The following ANKRD44 variants were observed in gnomAD, a reference collection of about 807,000 sequenced individuals.
The protein encoded by ANKRD44 is serine/threonine-protein phosphatase 6 regulatory ankyrin repeat subunit B.
ANKRD44 carries 35 observed loss-of-function variants against 116.0 expected under a neutral mutation model. The ratio of observed to expected loss-of-function variants is 0.30; its 90% CI spans 0.23 to 0.40. The LOEUF (loss-of-function observed/expected upper bound fraction) is 0.40, where lower values mean the gene tolerates loss of function less well. Among genes scored for constraint, ANKRD44 ranks in the 10% least tolerant of loss-of-function variants. The pLI is 1.00. For missense variants in ANKRD44, 1,014 were observed against 1,242.6 expected, an observed-to-expected ratio of 0.82 and a Z score of 2.77; for synonymous variants, 435 against 461.8, an observed-to-expected ratio of 0.94 and a Z score of 0.74.
chr2:197,086,910 T>C (rs529907552), intron 12 of ANKRD44, among the ~76,000 whole-genome samples, 162 bp from the exon 13 acceptor site: 1 of 152,302 alleles, frequency 6.6e-6, no homozygotes, highest in South Asian at 2.1e-4. Flanking sequence ...TGACATATTG[T>C]AAGGATCTAA....
chr2:196,982,122 A>ATATATATATATATATATG (rs2075806175), downstream of ANKRD44, among the ~76,000 whole-genome samples: 9 of 144,620 alleles, frequency 6.2e-5, no homozygotes, highest in Non-Finnish European at 1.2e-4. Flanking sequence ...ATATATATAT[A>ATATATATATATATATATG]TATATATGCA....
chr2:197,116,484 G>T (rs971355830), intron 8 of ANKRD44, among the ~76,000 whole-genome samples: 1 of 152,126 alleles, frequency 6.6e-6, no homozygotes, highest in Admixed American at 6.5e-5. Flanking sequence ...TCAGCCTCAC[G>T]CAAAGATTCC....
At chr2:197,199,081 T>G (rs2081035072) in intron 1 of ANKRD44, 1 of 152,274 alleles carries the variant, frequency 6.6e-6, no homozygotes, top group South Asian at 2.1e-4. Flanking sequence ...TCAGCTGGCA[T>G]CCTACATCTG....
intron 1 of ANKRD44, among the ~76,000 whole-genome samples, chr2:197,191,647 T>C (rs1433611755): frequency 6.6e-6 from 1 of 152,188 alleles, no homozygotes; most frequent in Non-Finnish European, 1.5e-5. Context: ...GGGAGCAAGA[T>C]GGTAATTTGT....
At chr2:197,073,878 G>C (rs2077610491) in intron 16 of ANKRD44, among the ~76,000 whole-genome samples, 1 of 152,138 alleles carries the variant, frequency 6.6e-6, no homozygotes, top group African/African-American at 2.4e-5. Context: ...CTCAACTGAA[G>C]GCAAAACTGA....
intron 17 of ANKRD44, among the ~76,000 whole-genome samples, chr2:197,014,341 C>T (rs944156234): frequency 6.6e-6 from 1 of 152,200 alleles, no homozygotes; most frequent in Non-Finnish European, 1.5e-5. Context: ...ATAGGCTTTG[C>T]AAAATATCTT....
downstream of ANKRD44, among the ~76,000 whole-genome samples, chr2:196,986,308 G>A (rs771607317): frequency 2.8e-4 from 42 of 152,052 alleles, no homozygotes; most frequent in African/African-American, 8.2e-4. Flanking sequence ...CCAGCTACTC[G>A]GGAGGCTGAG....
intron 1 of ANKRD44, among the ~76,000 whole-genome samples, chr2:197,280,447 G>A (rs958094614): frequency 1.4e-5 from 2 of 147,114 alleles, no homozygotes; most frequent in East Asian, 2.0e-4. Flanking sequence ...ACAAGAAAAC[G>A]AGCAGAGTTT....
chr2:197,138,077 A>G (rs2079263224), intron 3 of ANKRD44, among the ~76,000 whole-genome samples: 3 of 152,180 alleles, frequency 2.0e-5, no homozygotes, highest in Admixed American at 2.0e-4. Context: ...AATGACCAAG[A>G]GCCACTAATC....
intron 1 of ANKRD44, among the ~76,000 whole-genome samples, chr2:197,270,127 G>A (rs961923108): frequency 1.3e-5 from 2 of 152,112 alleles, no homozygotes; most frequent in African/African-American, 4.8e-5. Context: ...AGGATGGGGG[G>A]ATGCTATTGT....
Position 197,118,643 on chromosome 2 carries a change from GA to G in ANKRD44, c.906+2688del, listed in dbSNP as rs59695114. Among the ~76,000 whole-genome samples the G allele has an allele frequency of 1.2e-3, 170 of 147,350 alleles. 2 individuals carry two copies. Among genetic ancestry groups the G allele is most frequent in the African/African-American group, 4.0e-3 (163 of 40,602 alleles). On this transcript the variant is annotated intron_variant, in intron 8 of 27. Transcript: ENST00000282272. ...AGAGAGAGAGAGAGAGAGAGAGAAA[GA>G]AAGAAAGAAAGAAAGAAAGAAAGAA...
intron 2 of ANKRD44, among the ~76,000 whole-genome samples, chr2:197,161,992 ACTTGGAGGGTCTGCTCCT>A (rs2079977439): frequency 6.6e-6 from 1 of 152,088 alleles, no homozygotes; most frequent in African/African-American, 2.4e-5. Context: ...CGGTCTCGTG[ACTTGGAGGGTCTGCTCCT>A]CTATCACCTA....
chr2:197,046,575 C>T (rs1165676835), intron 16 of ANKRD44, among the ~76,000 whole-genome samples: 1 of 151,710 alleles, frequency 6.6e-6, no homozygotes, highest in African/African-American at 2.4e-5. Flanking sequence ...AAAAAGAGCT[C>T]CATAAGCTTG....
chr2:197,097,827 C>G (rs2078196939), intron 10 of ANKRD44, among the ~76,000 whole-genome samples: 1 of 152,212 alleles, frequency 6.6e-6, no homozygotes, highest in Non-Finnish European at 1.5e-5. Context: ...TTAACAGCTT[C>G]CGAATGACTC....
At chr2:197,042,242 G>C (rs781550590) in intron 16 of ANKRD44, among the ~76,000 whole-genome samples, 1 of 152,024 alleles carries the variant, frequency 6.6e-6, no homozygotes, top group African/African-American at 2.4e-5. Flanking sequence ...TATTTGAAGG[G>C]GTTCCTGGTA....
At chr2:197,090,561 A>AATGATAGAG (rs1358879004) in intron 10 of ANKRD44, among the ~76,000 whole-genome samples, 6 of 150,338 alleles carry the variant, frequency 4.0e-5, no homozygotes, top group Non-Finnish European at 7.4e-5. Context: ...GTGCTGATAC[A>AATGATAGAG]ATGATAGAGG....
intron 2 of ANKRD44, among the ~76,000 whole-genome samples, chr2:197,173,450 C>T (rs75312089): frequency 0.019 from 2,922 of 152,204 alleles, 46 homozygotes; most frequent in East Asian, 0.036. Flanking sequence ...TATTTGAAGT[C>T]GAGTTGTCAT....
chr2:197,078,959 G>C, intron 15 of ANKRD44, 145 bp from the exon 16 acceptor site: 1 of 569,062 alleles, frequency 1.8e-6, no homozygotes, highest in East Asian at 4.4e-5. Flanking sequence ...GAAGTTTTAT[G>C]TGTTGAAAAT....
In ANKRD44 at chr2:197,212,308, G is replaced by T. The variant is rs2081345620; in HGVS notation, c.28-25202C>A. Among the ~76,000 whole-genome samples, 2 of 152,120 alleles carry T rather than the reference G, an allele frequency of 1.3e-5. No individual in the cohort carries two copies. ...ATGAGCCAGTAAGTGTGTGAGCTTA[G>T]ATCATGGATAATTTTCAAAGAAACC... is the stretch of plus-strand genomic sequence containing the variant. On this transcript the variant is annotated intron_variant, in intron 1 of 27. Coordinates refer to ENST00000282272, the MANE Select transcript of ANKRD44 (RefSeq NM_001195144.2). The surrounding 1 kb of genome is among the most constrained non-coding windows in gnomAD (Gnocchi z 4.8).
Sources: allele counts gnomAD v4.1 joint callset (sites outside exome capture counted in the v4.1 genomes callset), GRCh38; gene constraint gnomAD v4.1.1; non-coding constraint Gnocchi (gnomAD v3.1); transcripts MANE v1.5; gene names NCBI Gene and HGNC (gene_info 2026-07-23, HGNC 2026-07-21).